The following TEX10 variants were observed in gnomAD, a reference collection of about 807,000 sequenced individuals.
The protein encoded by TEX10 is testis expressed 10.
TEX10 carries 24 observed loss-of-function variants against 104.4 expected under a neutral mutation model. The observed-to-expected ratio is 0.23, with a 90% CI of 0.17 to 0.32. The LOEUF (loss-of-function observed/expected upper bound fraction) is 0.32. Among genes scored for constraint, TEX10 ranks in the 10% least tolerant of loss-of-function variants. The pLI is 1.00. For synonymous variants in TEX10, 396 were observed against 393.4 expected, an observed-to-expected ratio of 1.01 and a Z score of -0.08; for missense variants, 921 against 1,083.9, an observed-to-expected ratio of 0.85 and a Z score of 2.11.
intron 11 of TEX10, among the ~76,000 whole-genome samples, chr9:100,315,692 T>C (rs763761130): frequency 5.9e-5 from 9 of 152,218 alleles, no homozygotes; most frequent in Non-Finnish European, 1.2e-4. Flanking sequence ...AGGGTTTTTT[T>C]GTTTTTTCCT....
intron 5 of TEX10, 50 bp from the exon 6 acceptor site, chr9:100,330,219 G>T: frequency 7.8e-7 from 1 of 1,279,852 alleles, no homozygotes; most frequent in Non-Finnish European, 1.1e-6. Flanking sequence ...TACCATGCCT[G>T]CTTCATTAGA....
intron 1 of TEX10, among the ~76,000 whole-genome samples, chr9:100,350,791 T>C (rs528308675): frequency 1.4e-4 from 22 of 152,238 alleles, no homozygotes; most frequent in Non-Finnish European, 2.2e-4. Flanking sequence ...CAATCAGCTA[T>C]GACAATATAT....
At chr9:100,352,166 T>G (rs769146179) in intron 1 of TEX10, among the ~76,000 whole-genome samples, 5 of 152,222 alleles carry the variant, frequency 3.3e-5, no homozygotes, top group Non-Finnish European at 5.9e-5. Flanking sequence ...ACGATCGTAC[T>G]GCACTCGGCC....
At chr9:100,312,676 C>T (rs1834310107) in intron 11 of TEX10, among the ~76,000 whole-genome samples, 1 of 152,180 alleles carries the variant, frequency 6.6e-6, no homozygotes, top group Admixed American at 6.5e-5. Context: ...TAGGAGACTA[C>T]CTGAACTCTC....
intron 5 of TEX10, among the ~76,000 whole-genome samples, chr9:100,331,298 A>G (rs1182282060): frequency 2.0e-5 from 3 of 152,072 alleles, no homozygotes; most frequent in Admixed American, 6.6e-5. Context: ...TAAGCCAGGC[A>G]TGCTGGCAAG....
chr9:100,312,955 A>G (rs1228211124), intron 11 of TEX10, among the ~76,000 whole-genome samples: 1 of 152,246 alleles, frequency 6.6e-6, no homozygotes, highest in East Asian at 1.9e-4. Context: ...TATAAAAGAT[A>G]TAGTCCCTAG....
At chr9:100,335,262 G>A (rs1006669619) in intron 5 of TEX10, among the ~76,000 whole-genome samples, 1 of 152,114 alleles carries the variant, frequency 6.6e-6, no homozygotes. Flanking sequence ...GAGTGCAGTG[G>A]TGTGATCTCG....
At chr9:100,339,329 T>C (rs1205964265) in intron 5 of TEX10, among the ~76,000 whole-genome samples, 1 of 137,756 alleles carries the variant, frequency 7.3e-6, no homozygotes, top group Non-Finnish European at 1.5e-5. Context: ...TATATATATT[T>C]ATATATTATA....
At chr9:100,305,733 G>C (rs1018433605) in intron 13 of TEX10, 2 of 152,196 alleles carry the variant, frequency 1.3e-5, no homozygotes, top group African/African-American at 4.8e-5. Flanking sequence ...TGGGATTTTA[G>C]GGCAAGGATT....
intron 9 of TEX10, among the ~76,000 whole-genome samples, chr9:100,322,181 A>G (rs1176534985): frequency 6.6e-6 from 1 of 152,228 alleles, no homozygotes; most frequent in Non-Finnish European, 1.5e-5. Context: ...AGCTTCCTAC[A>G]TAACTAAGCA....
intron 13 of TEX10, among the ~76,000 whole-genome samples, chr9:100,308,161 T>C (rs1156357054): frequency 6.6e-6 from 1 of 152,208 alleles, no homozygotes; most frequent in Non-Finnish European, 1.5e-5. Context: ...AATACAAAGG[T>C]TGGTACTAAT....
chr9:100,309,436 G>A (rs1050173838), intron 12 of TEX10, among the ~76,000 whole-genome samples: 2 of 152,138 alleles, frequency 1.3e-5, no homozygotes, highest in African/African-American at 2.4e-5. Context: ...TGAAAATAGT[G>A]GCCAAGACTG....
chr9:100,302,938 C>CG (rs374817663), intron 14 of TEX10, among the ~76,000 whole-genome samples: 9 of 150,118 alleles, frequency 6.0e-5, no homozygotes, highest in Non-Finnish European at 1.2e-4. Context: ...GCCCCCCCCC[C>CG]AAACTAAAAT....
chr9:100,327,339 A>G (rs1834732197), intron 8 of TEX10, among the ~76,000 whole-genome samples: 1 of 152,020 alleles, frequency 6.6e-6, no homozygotes, highest in African/African-American at 2.4e-5. Context: ...TATGTGAATT[A>G]TATTTCAATA....
intron 14 of TEX10, among the ~76,000 whole-genome samples, chr9:100,302,964 AAAC>A (rs1440369019): frequency 7.0e-6 from 1 of 142,570 alleles, no homozygotes; most frequent in Non-Finnish European, 1.5e-5. Context: ...AAGGAATCCT[AAAC>A]AACAGAGCTG....
intron 13 of TEX10, chr9:100,304,106 G>C: frequency 2.0e-6 from 1 of 508,388 alleles, no homozygotes; most frequent in South Asian, 2.2e-5. Context: ...AGATGACACA[G>C]ATAAATGGAA....
intron 5 of TEX10, among the ~76,000 whole-genome samples, chr9:100,333,717 A>G (rs1434181166): frequency 6.6e-6 from 1 of 152,128 alleles, no homozygotes; most frequent in African/African-American, 2.4e-5. Context: ...CCCCATTTTC[A>G]AGACTCCCAA....
At position 100,330,624 on chromosome 9, in the gene TEX10, T is replaced by C. The variant is rs570892193; in HGVS notation, c.1251-455A>G. Reference sequence around the variant, plus strand: ...TTCTCACATGTGAAATAAGGAGACATACCCCGGTAAGCACTGATTTGAAAC... The same window carrying C: ...TTCTCACATGTGAAATAAGGAGACACACCCCGGTAAGCACTGATTTGAAAC... On this transcript the variant is annotated intron_variant, in intron 5 of 14. Transcript: ENST00000374902. Among the ~76,000 whole-genome samples the C allele has an allele frequency of 7.9e-5, 12 of 152,352 alleles. No homozygotes were observed. In the South Asian group the frequency reaches 2.3e-3, roughly 29 times the overall value.
rs200119970 is a variant in TEX10, at chr9:100,310,355, T to A, written c.2227A>T (p.Ile743Phe). 6.2e-7 allele frequency: 1 copy of A among 1,614,074 alleles called. No homozygotes were observed. Among genetic ancestry groups the A allele is most frequent in the East Asian group, 2.2e-5 (1 of 44,880 alleles). The change falls in exon 12 of 15, where the codon ATT (isoleucine) becomes TTT (phenylalanine). Residue 743 changes from isoleucine (I) to phenylalanine (F), a missense_variant. Coordinates refer to ENST00000374902, the MANE Select transcript of TEX10 (RefSeq NM_017746.4). ...TCAAAGTTCTGACTTCGGGCAGGAA[T>A]AACCAATAAACTGTGAAAAACTGCC... is the stretch of plus-strand genomic sequence containing the variant. ...TEAVFHSLLV[I>F]PARSQNFDIL...
Sources: allele counts gnomAD v4.1 joint callset (sites outside exome capture counted in the v4.1 genomes callset), GRCh38; gene constraint gnomAD v4.1.1; transcripts MANE v1.5; gene names NCBI Gene and HGNC (gene_info 2026-07-23, HGNC 2026-07-21).